Variants in JAKMIP3 observed in about 807,000 individuals in gnomAD.
The protein encoded by JAKMIP3 is janus kinase and microtubule-interacting protein 3.
A neutral mutation model predicts 118.5 loss-of-function variants in JAKMIP3; 58 were observed. The observed-to-expected ratio is 0.49, with a 90% CI of 0.40 to 0.61. JAKMIP3 has a LOEUF of 0.61. JAKMIP3 is among the 20% of genes least tolerant of loss of function. JAKMIP3 has a pLI of 0.00. For missense variants in JAKMIP3, 950 were observed against 1,109.0 expected (o/e 0.86, Z 2.04); for synonymous variants, 486 against 451.2 (o/e 1.08, Z -0.98).
chr10:132,180,708 C>CGTGT (rs1332633306), intron 23 of JAKMIP3, among the ~76,000 whole-genome samples: 1 of 12,744 alleles, frequency 7.8e-5, no homozygotes, highest in African/African-American at 4.5e-4. Flanking sequence ...TGTGTGTGTG[C>CGTGT]GCGTGTGTGT....
At chr10:132,115,771 T>C (rs2047548482) in intron 2 of JAKMIP3, among the ~76,000 whole-genome samples, 1 of 151,904 alleles carries the variant, frequency 6.6e-6, no homozygotes, top group Admixed American at 6.5e-5. Flanking sequence ...AAAAGTTAAC[T>C]CGTGAAAAAA....
At chr10:132,139,194 GTA>G (rs1256900869) in intron 9 of JAKMIP3, among the ~76,000 whole-genome samples, 1,040 of 83,526 alleles carry the variant, frequency 0.012, 26 homozygotes, top group African/African-American at 0.057. Flanking sequence ...GTATGTGTGT[GTA>G]TGAGTGTGTG....
At chr10:132,142,651 C>T (rs34951999) in intron 11 of JAKMIP3, among the ~76,000 whole-genome samples, 15,314 of 152,266 alleles carry the variant, frequency 0.1, 960 homozygotes, top group Middle Eastern at 0.16. Context: ...AGGCACCAGG[C>T]CTCGTGGGGA....
chr10:132,065,376 A>T (rs1370320679), upstream of JAKMIP3, among the ~76,000 whole-genome samples: 1 of 151,720 alleles, frequency 6.6e-6, no homozygotes, highest in East Asian at 1.9e-4. The surrounding 1 kb of genome is among the most constrained non-coding windows in gnomAD (Gnocchi z 5.6). Flanking sequence ...CTCAGTGTTG[A>T]GTGTGTGCAA....
intron 1 of JAKMIP3, among the ~76,000 whole-genome samples, chr10:132,099,508 C>T (rs9419361): frequency 6.6e-6 from 1 of 151,958 alleles, no homozygotes; most frequent in Non-Finnish European, 1.5e-5. Flanking sequence ...TGAAACTGAC[C>T]GCGAAGCCCA....
At position 132,179,185 on chromosome 10, in the gene JAKMIP3, C is replaced by T. The variant is rs4880341; in HGVS notation, c.*1104-3172C>T. Among the ~76,000 whole-genome samples, 83,823 of 152,104 alleles carry T rather than the reference C, an allele frequency of 0.55. 23,929 individuals are homozygous for T. The highest frequency in any genetic ancestry group is 0.94 in the East Asian group (4,860 of 5,180). ...GTTCCTACACTTCATCAGCTATCCT[C>T]GTTGCAGCCCAAGATAAAATTACCC... is the stretch of plus-strand genomic sequence containing the variant. On this transcript the variant is annotated intron_variant, in intron 23 of 23. Coordinates refer to ENST00000684848, the MANE Select transcript of JAKMIP3 (RefSeq NM_001323087.2). This position sits in a 1 kb window ranked among gnomAD's most constrained non-coding sequence, Gnocchi z 4.3.
chr10:132,172,944 TA>T (rs2136890237), intron 23 of JAKMIP3, among the ~76,000 whole-genome samples: 1 of 147,874 alleles, frequency 6.8e-6, no homozygotes, highest in Non-Finnish European at 1.5e-5. Flanking sequence ...CTTCCCTCTC[TA>T]CTTCCTTCTC....
At chr10:132,105,881 T>G (rs1391192307) in intron 2 of JAKMIP3, among the ~76,000 whole-genome samples, 2 of 145,518 alleles carry the variant, frequency 1.4e-5, no homozygotes, top group Non-Finnish European at 3.0e-5. Context: ...GCATCTCTCT[T>G]GGGACCTGCA....
chr10:132,078,806 G>A (rs974390452), intron 1 of JAKMIP3, among the ~76,000 whole-genome samples: 1 of 112,534 alleles, frequency 8.9e-6, no homozygotes, highest in East Asian at 2.6e-4. Flanking sequence ...CCCTTGGCCC[G>A]GCCGCCAGAA....
chr10:132,181,912 G>A (rs935061926), intron 23 of JAKMIP3, among the ~76,000 whole-genome samples: 3 of 152,128 alleles, frequency 2.0e-5, no homozygotes, highest in Non-Finnish European at 2.9e-5. Context: ...GGACTGATCC[G>A]GGGCCCGCCC....
chr10:132,168,480 CAG>C lies in JAKMIP3; in HGVS notation c.*551_*552del. The C allele has an allele frequency of 9.5e-7, 1 of 1,049,188 alleles. No homozygotes were observed. 65.0% of individuals were successfully genotyped at this position (1,049,188 alleles called of 1,614,324 possible). A position where few individuals can be genotyped will look rare whatever the true frequency, so the allele number is the denominator to read the frequency against. On this transcript the variant is annotated 3_prime_UTR_variant, in exon 23 of 24. Transcript: ENST00000684848. ...GTCCTGGGAGGGCTCCCCGACGCCT[CAG>C]GGGCCCCTCCGATGCTGCAATATGT... is the stretch of plus-strand genomic sequence containing the variant.
chr10:132,057,923 G>A (rs571561057), intron 1 of JAKMIP3, among the ~76,000 whole-genome samples: 6 of 152,362 alleles, frequency 3.9e-5, no homozygotes, highest in East Asian at 1.9e-4. Context: ...TGGTGCGTAC[G>A]AAGTGGAGAC....
In JAKMIP3 at chr10:132,184,487, A is replaced by G. The variant is rs2061698718; in HGVS notation, c.*3234A>G. On this transcript the variant is annotated 3_prime_UTR_variant, in exon 24 of 24. Transcript: ENST00000684848. ...GGAAACTCATATTGTGAATATAGGT[A>G]TCAAATCATATATTTGTTTACTGTA... 6.6e-6 allele frequency: 1 copy of G among 152,268 alleles called. No individual in the cohort carries two copies. Among genetic ancestry groups the G allele is most frequent in the African/African-American group, 2.4e-5 (1 of 41,476 alleles). The allele number at this position is 152,268 out of a possible 1,614,324, so 9.4% of individuals were successfully genotyped here.
chr10:132,126,320 C>G (rs1408563151), intron 3 of JAKMIP3, among the ~76,000 whole-genome samples: 1 of 144,800 alleles, frequency 6.9e-6, no homozygotes, highest in Non-Finnish European at 1.5e-5. Flanking sequence ...TTTTTTTTTC[C>G]TGGACACGGT....
chr10:132,067,662 C>CTGTGGGCTTCCGTG (rs2039024305), intron 1 of JAKMIP3, among the ~76,000 whole-genome samples: 3 of 135,122 alleles, frequency 2.2e-5, no homozygotes, highest in East Asian at 2.3e-4. Context: ...TCCGTGTGGA[C>CTGTGGGCTTCCGTG]TGGACTGTGG....
At position 132,045,933 on chromosome 10, in the gene JAKMIP3, TA is replaced by T. The variant is rs5789110; in HGVS notation, c.-138+9210del. ...TGGGTGACAGAGCAAGATCCTGTCTTAAAAAAAAAAAAAAATACACACACTC... is the reference window on the plus strand; with the variant it reads ...TGGGTGACAGAGCAAGATCCTGTCTTAAAAAAAAAAAAAATACACACACTC... On this transcript the variant is annotated intron_variant, in intron 1 of 23. Transcript: ENST00000657785. Among the ~76,000 whole-genome samples the T allele has an allele frequency of 3.8e-3, 553 of 144,148 alleles. 4 individuals are homozygous for T. Among genetic ancestry groups the T allele is most frequent in the African/African-American group, 0.011 (438 of 38,922 alleles). 94.6% of individuals were successfully genotyped at this position (144,148 alleles called of 152,430 possible).
At chr10:132,163,981 G>A (rs1044831593) in intron 20 of JAKMIP3, among the ~76,000 whole-genome samples, 1 of 152,238 alleles carries the variant, frequency 6.6e-6, no homozygotes, top group African/African-American at 2.4e-5. Flanking sequence ...GCCTGGATGT[G>A]TAGGACACGG....
chr10:132,063,740 G>A (rs9419336), upstream of JAKMIP3, among the ~76,000 whole-genome samples: 28,409 of 152,142 alleles, frequency 0.19, 2,745 homozygotes, highest in East Asian at 0.31. Flanking sequence ...GGAAATGAAA[G>A]TAGATGTTTT....
intron 23 of JAKMIP3, among the ~76,000 whole-genome samples, chr10:132,180,768 T>TGTGTGC (rs1554963475): frequency 6.2e-5 from 2 of 32,494 alleles, no homozygotes; most frequent in African/African-American, 1.5e-4. Flanking sequence ...TGCGTGTGTG[T>TGTGTGC]GCGTGTGTGT....
Sources: allele counts gnomAD v4.1 joint callset (sites outside exome capture counted in the v4.1 genomes callset), GRCh38; gene constraint gnomAD v4.1.1; non-coding constraint Gnocchi (gnomAD v3.1); transcripts MANE v1.5; gene names NCBI Gene and HGNC (gene_info 2026-07-23, HGNC 2026-07-21).